The following UNC5B variants were observed in gnomAD, a reference collection of about 807,000 sequenced individuals.
The protein encoded by UNC5B is unc-5 netrin receptor B.
A neutral mutation model predicts 103.7 loss-of-function variants in UNC5B; 56 were observed. The ratio of observed to expected loss-of-function variants is 0.54; its 90% CI spans 0.44 to 0.67. The LOEUF (loss-of-function observed/expected upper bound fraction) is 0.67, where lower values mean the gene tolerates loss of function less well. Ranked by LOEUF, UNC5B falls within the 30% of genes least tolerant of loss-of-function variation. The pLI, the probability that UNC5B is intolerant of heterozygous loss-of-function variation, is 0.00. For synonymous variants in UNC5B, 577 were observed against 542.0 expected, an observed-to-expected ratio of 1.06 and a Z score of -0.90; for missense variants, 1,194 against 1,284.5, an observed-to-expected ratio of 0.93 and a Z score of 1.08.
intron 2 of UNC5B, among the ~76,000 whole-genome samples, chr10:71,283,655 C>T (rs1844987932): frequency 6.6e-6 from 1 of 152,186 alleles, no homozygotes; most frequent in African/African-American, 2.4e-5. Context: ...GCTCTGTAAC[C>T]TTTGGGGAGG....
chr10:71,245,031 C>G (rs976158789), intron 1 of UNC5B, among the ~76,000 whole-genome samples: 1 of 152,244 alleles, frequency 6.6e-6, no homozygotes, highest in Admixed American at 6.5e-5. Flanking sequence ...AAAAGCTTTT[C>G]AAAACCTCGT....
chr10:71,237,097 G>A (rs1390022296), intron 1 of UNC5B, among the ~76,000 whole-genome samples: 1 of 152,196 alleles, frequency 6.6e-6, no homozygotes, highest in Non-Finnish European at 1.5e-5. Context: ...GCCTGCCTGG[G>A]CGGAGGGTAG....
At position 71,278,938 on chromosome 10, in the gene UNC5B, C is replaced by T. The variant is rs988251956; in HGVS notation, c.80-883C>T. ...AGCAGGTCAATGGCCTGGTTTCCCC[C>T]GCTTCTGGGCACTGGCGGTGGCCAC... On this transcript the variant is annotated intron_variant, in intron 1 of 16. Transcript: ENST00000335350. Among the ~76,000 whole-genome samples, 7 of 152,220 alleles carry T rather than the reference C, an allele frequency of 4.6e-5. No individual in the cohort carries two copies. The East Asian group carries it at 5.8e-4, about 13-fold the overall frequency.
At chr10:71,248,457 C>G (rs575335654) in intron 1 of UNC5B, among the ~76,000 whole-genome samples, 2 of 152,334 alleles carry the variant, frequency 1.3e-5, no homozygotes, top group East Asian at 1.9e-4. Flanking sequence ...GCACTTTTCT[C>G]TTTGAGTGTT....
chr10:71,296,987 T>C (rs41307577), intron 15 of UNC5B, among the ~76,000 whole-genome samples: 3,413 of 114,758 alleles, frequency 0.03, 171 homozygotes, highest in African/African-American at 0.051. Context: ...ACCACTCTGG[T>C]GGAGGTGAGG....
Position 71,224,381 on chromosome 10 carries a change from A to G in UNC5B, c.79+11317A>G, listed in dbSNP as rs1008825844. ...TGTATGTAGACACACACACACACAC[A>G]CACACACACACACACACACACACAC... On this transcript the variant is annotated intron_variant, in intron 1 of 16. Coordinates refer to ENST00000335350, the MANE Select transcript of UNC5B (RefSeq NM_170744.5). Among the ~76,000 whole-genome samples the G allele has an allele frequency of 6.2e-4, 94 of 150,458 alleles. 3 individuals are homozygous for G. Among genetic ancestry groups the G allele is most frequent in the South Asian group, 3.2e-3 (15 of 4,754 alleles).
At position 71,213,562 on chromosome 10, in the gene UNC5B, A is replaced by C. The variant is rs970222240; in HGVS notation, c.79+498A>C. Among the ~76,000 whole-genome samples, 2 of 152,094 alleles carry C rather than the reference A, an allele frequency of 1.3e-5. No individual in the cohort carries two copies. The highest frequency in any genetic ancestry group is 4.8e-5 in the African/African-American group (2 of 41,422). On this transcript the variant is annotated intron_variant, in intron 1 of 16. Transcript: ENST00000335350. This position sits in a 1 kb window ranked among gnomAD's most constrained non-coding sequence, Gnocchi z 4.1. ...GAGAGCGAAAAGACCTGCTGAACAC[A>C]GGAAGCGCTTCGGTAGCCTCGGCAG... is the stretch of plus-strand genomic sequence containing the variant.
chr10:71,231,253 A>G (rs1334512589), intron 1 of UNC5B, among the ~76,000 whole-genome samples: 2 of 152,188 alleles, frequency 1.3e-5, no homozygotes, highest in Non-Finnish European at 2.9e-5. Context: ...CTAAAAATAC[A>G]GTAGGGGTGA....
chr10:71,259,301 A>G (rs1755111833), intron 1 of UNC5B, among the ~76,000 whole-genome samples: 1 of 151,868 alleles, frequency 6.6e-6, no homozygotes, highest in African/African-American at 2.4e-5. Context: ...AGGCAGGAGA[A>G]TCATTTGAAC....
chr10:71,239,995 AG>A (rs1379606212), intron 1 of UNC5B, among the ~76,000 whole-genome samples: 1 of 152,176 alleles, frequency 6.6e-6, no homozygotes, highest in African/African-American at 2.4e-5. Context: ...GAGGCAGGAA[AG>A]GCTGGGCTGG....
At chr10:71,235,863 A>G (rs969795668) in intron 1 of UNC5B, among the ~76,000 whole-genome samples, 1 of 152,222 alleles carries the variant, frequency 6.6e-6, no homozygotes, top group Non-Finnish European at 1.5e-5. Flanking sequence ...CCATCTATAG[A>G]CAGAGGGACC....
chr10:71,260,937 T>C (rs964225222), intron 1 of UNC5B, among the ~76,000 whole-genome samples: 2 of 152,234 alleles, frequency 1.3e-5, no homozygotes, highest in Non-Finnish European at 2.9e-5. Context: ...CCTCCGCTGC[T>C]GAGCAAGACT....
At chr10:71,252,272 G>A (rs1052312227) in intron 1 of UNC5B, among the ~76,000 whole-genome samples, 8 of 152,204 alleles carry the variant, frequency 5.3e-5, no homozygotes, top group South Asian at 2.1e-4. Flanking sequence ...AGCAGGAAGC[G>A]TGATAGAGCA....
At chr10:71,297,717 A>G (rs1300829877) in intron 15 of UNC5B, among the ~76,000 whole-genome samples, 192 bp from the exon 16 acceptor site, 1 of 152,242 alleles carries the variant, frequency 6.6e-6, no homozygotes, top group African/African-American at 2.4e-5. Flanking sequence ...TGAGGCCTGA[A>G]GGGTGGCCAT....
intron 1 of UNC5B, among the ~76,000 whole-genome samples, chr10:71,244,557 C>T (rs1011543385): frequency 6.6e-6 from 1 of 152,176 alleles, no homozygotes; most frequent in African/African-American, 2.4e-5. Flanking sequence ...TAAGTTTGCC[C>T]CTACTCAGGC....
rs993744849 is a variant in UNC5B, at chr10:71,301,617, A to G, written c.*2340A>G. On this transcript the variant is annotated 3_prime_UTR_variant, in exon 17 of 17. Coordinates refer to ENST00000335350, the MANE Select transcript of UNC5B (RefSeq NM_170744.5). Reference sequence around the variant, plus strand: ...TTTGAGGGCAGTCTGACCAGGCTAGACCACACGTGCCGTGACAGGGGGTGC... The same window carrying G: ...TTTGAGGGCAGTCTGACCAGGCTAGGCCACACGTGCCGTGACAGGGGGTGC... The G allele has an allele frequency of 1.3e-4, 20 of 152,156 alleles. No homozygotes were observed. Among genetic ancestry groups the G allele is most frequent in the African/African-American group, 3.6e-4 (15 of 41,414 alleles). The allele number at this position is 152,156 out of a possible 1,614,324, so 9.4% of individuals were successfully genotyped here. A position where few individuals can be genotyped will look rare whatever the true frequency, so the allele number is the denominator to read the frequency against.
chr10:71,230,077 A>G (rs1226464949), intron 1 of UNC5B, among the ~76,000 whole-genome samples: 1 of 151,908 alleles, frequency 6.6e-6, no homozygotes, highest in East Asian at 1.9e-4. Flanking sequence ...TTTCACCCCT[A>G]CCTCCTCCTC....
intron 1 of UNC5B, among the ~76,000 whole-genome samples, chr10:71,268,090 C>T (rs1844560807): frequency 6.6e-6 from 1 of 152,248 alleles, no homozygotes; most frequent in Admixed American, 6.5e-5. Context: ...CTTCCTCCCT[C>T]ACCCCTGGGG....
rs1166551292 is a variant in UNC5B, at chr10:71,227,701, CACAT to C, written c.79+14639_79+14642del. Among the ~76,000 whole-genome samples the C allele has an allele frequency of 2.9e-4, 34 of 115,600 alleles. 1 individual carries two copies. Among genetic ancestry groups the C allele is most frequent in the African/African-American group, 1.2e-3 (32 of 26,274 alleles). The allele number at this position is 115,600 out of a possible 152,430, so 75.8% of individuals were successfully genotyped here. ...ACATATATATACACATATATATACA[CACAT>C]ATACACACACACACACACACACACA... On this transcript the variant is annotated intron_variant, in intron 1 of 16. Transcript: ENST00000335350.
Sources: allele counts gnomAD v4.1 joint callset (sites outside exome capture counted in the v4.1 genomes callset), GRCh38; gene constraint gnomAD v4.1.1; non-coding constraint Gnocchi (gnomAD v3.1); transcripts MANE v1.5; gene names NCBI Gene and HGNC (gene_info 2026-07-23, HGNC 2026-07-21).